Variants in MOSPD1 observed in about 807,000 individuals in gnomAD.
MOSPD1 encodes motile sperm domain containing 1, also known as motile sperm domain-containing protein 1.
In MOSPD1, 5 loss-of-function variants were observed where a neutral mutation model predicts 16.7. The observed-to-expected ratio is 0.30, with a 90% confidence interval of 0.16 to 0.63. MOSPD1 has a LOEUF of 0.63. Ranked by LOEUF, MOSPD1 falls within the 30% of genes least tolerant of loss-of-function variation. The pLI is 0.82. For missense variants in MOSPD1, 104 were observed against 153.6 expected (o/e 0.68, Z 1.71); for synonymous variants, 67 against 59.2 (o/e 1.13, Z -0.61).
intron 1 of MOSPD1, among the ~76,000 whole-genome samples, chrX:134,912,633 G>T (rs2082977803): frequency 9.7e-6 from 1 of 102,861 alleles, no homozygotes; most frequent in Non-Finnish European, 2.0e-5. Flanking sequence ...AAGCCACTAT[G>T]TTCAGCTAAT....
chrX:134,908,841 G>GA (rs1355527922), intron 1 of MOSPD1, among the ~76,000 whole-genome samples: 2 of 112,098 alleles, frequency 1.8e-5, no homozygotes, highest in Non-Finnish European at 3.8e-5. Flanking sequence ...CCAGAGGAAT[G>GA]AAAAGATAAG....
intron 1 of MOSPD1, among the ~76,000 whole-genome samples, chrX:134,902,411 A>G (rs1378491683): frequency 9.1e-6 from 1 of 109,456 alleles, no homozygotes; most frequent in African/African-American, 3.3e-5. Context: ...AAATAAATAA[A>G]TAAATAAATA....
At chrX:134,895,462 C>A (rs1461454456) in intron 4 of MOSPD1, among the ~76,000 whole-genome samples, 1 of 111,455 alleles carries the variant, frequency 9.0e-6, no homozygotes, top group African/African-American at 3.3e-5. Flanking sequence ...CACATATACC[C>A]CTAAATCTTA....
At chrX:134,906,174 C>CTTTTTTTTTTTTTTTTT (rs765109385) in intron 1 of MOSPD1, among the ~76,000 whole-genome samples, 1 of 56,658 alleles carries the variant, frequency 1.8e-5, no homozygotes, top group Non-Finnish European at 3.0e-5. Flanking sequence ...CCATTTATCA[C>CTTTTTTTTTTTTTTTTT]TTTTTTTTTT....
chrX:134,912,954 T>G (rs1196883997), intron 1 of MOSPD1, among the ~76,000 whole-genome samples: 1 of 89,650 alleles, frequency 1.1e-5, no homozygotes, highest in Non-Finnish European at 2.2e-5. Context: ...AAAAAAAAAT[T>G]TTGGCCAGGC....
intron 1 of MOSPD1, among the ~76,000 whole-genome samples, chrX:134,902,489 C>A (rs2082917016): frequency 9.0e-6 from 1 of 110,743 alleles, no homozygotes; most frequent in Non-Finnish European, 1.9e-5. Flanking sequence ...CACTGTCTGT[C>A]CACTTCAATA....
At chrX:134,891,977 G>A (rs1373084647) in intron 4 of MOSPD1, among the ~76,000 whole-genome samples, 1 of 112,093 alleles carries the variant, frequency 8.9e-6, no homozygotes, top group Admixed American at 9.5e-5. Flanking sequence ...AAAATTATAT[G>A]CACAAGTTCT....
intron 1 of MOSPD1, among the ~76,000 whole-genome samples, chrX:134,906,108 G>A (rs1448616421): frequency 4.7e-5 from 5 of 107,507 alleles, no homozygotes; most frequent in Admixed American, 1.0e-4. Flanking sequence ...TACTATAAAA[G>A]AAGTGTTTAA....
intron 1 of MOSPD1, among the ~76,000 whole-genome samples, chrX:134,913,673 C>T (rs974695417): frequency 8.9e-6 from 1 of 111,823 alleles, no homozygotes; most frequent in Non-Finnish European, 1.9e-5. Context: ...AAAGGAGTAA[C>T]TTTATACTGA....
rs374405244 is a variant in MOSPD1, at chrX:134,889,148, T to C, written c.*13A>G. 105 of 1,188,872 alleles carry C rather than the reference T, an allele frequency of 8.8e-5. No homozygotes were observed. The highest frequency in any genetic ancestry group is 8.4e-4 in the African/African-American group (48 of 56,904). Reference sequence around the variant, plus strand: ...AAGACAGATTTACTTCAGAAGTCAATTGAAATCCTTGCTCATGTTCTAAGT... The same window carrying C: ...AAGACAGATTTACTTCAGAAGTCAACTGAAATCCTTGCTCATGTTCTAAGT... On this transcript the variant is annotated 3_prime_UTR_variant, in exon 6 of 6. Coordinates refer to ENST00000370783, the MANE Select transcript of MOSPD1 (RefSeq NM_019556.3).
chrX:134,913,359 G>A (rs1429543848), intron 1 of MOSPD1, among the ~76,000 whole-genome samples: 1 of 111,604 alleles, frequency 9.0e-6, no homozygotes, highest in East Asian at 2.8e-4. Flanking sequence ...GGGTGACAGA[G>A]CAAGACCCTG....
Position 134,896,895 on chromosome X carries a change from G to T in MOSPD1, c.370C>A (p.Gln124Lys), listed in dbSNP as rs2082887318. 1.7e-6 allele frequency: 2 copies of T among 1,209,808 alleles called. No individual in the cohort carries two copies. The highest frequency in any genetic ancestry group is 2.2e-6 in the Non-Finnish European group (2 of 894,153). The change falls in exon 4 of 6, where the codon CAA becomes AAA. Residue 124 changes from glutamine to lysine, a missense_variant. Gln to Lys is a moderately conservative substitution (Grantham distance 53, BLOSUM62 1). Transcript: ENST00000370783. ...CTTTTTTCCTCTTCTTCCTTTTGTT[G>T]TTCTTTTGCTGATGGGAGAAGAGTA... Reference protein sequence around the residue: ...VATLLPSAKEQQKEEEEKRLK... With the variant: ...VATLLPSAKEKQKEEEEKRLK...
Position 134,896,914 on chromosome X carries a change from A to C in MOSPD1, c.351T>G (p.Leu117=). 8.3e-7 allele frequency: 1 copy of C among 1,208,577 alleles called. No homozygotes were observed. ...ALGRKEVVAT[L]LPSAKEQQKE... ...TTTGTTGTTCTTTTGCTGATGGGAG[A>C]AGAGTAGCAACAACCTCTTTTCTTC... The change falls in exon 4 of 6, where the codon CTT becomes CTG. Residue 117 remains leucine, a synonymous_variant. Coordinates refer to ENST00000370783, the MANE Select transcript of MOSPD1 (RefSeq NM_019556.3).
At chrX:134,912,942 A>AC (rs2082980133) in intron 1 of MOSPD1, among the ~76,000 whole-genome samples, 1 of 108,120 alleles carries the variant, frequency 9.2e-6, no homozygotes, top group African/African-American at 3.4e-5. Flanking sequence ...GTCTCAAAAA[A>AC]AAAAAAAAAA....
intron 1 of MOSPD1, among the ~76,000 whole-genome samples, chrX:134,913,321 C>G (rs987708198): frequency 1.8e-5 from 2 of 111,023 alleles, no homozygotes; most frequent in South Asian, 3.8e-4. Context: ...TTGCAGTGAG[C>G]TGAGACTGCA....
chrX:134,903,273 A>G (rs2082921668), intron 1 of MOSPD1, among the ~76,000 whole-genome samples: 1 of 111,992 alleles, frequency 8.9e-6, no homozygotes, highest in Non-Finnish European at 1.9e-5. Flanking sequence ...AAACAGATAA[A>G]AGTTTTTTTT....
chrX:134,888,457 T>C lies in MOSPD1; in HGVS notation c.*704A>G, dbSNP rs995495888. 3 of 111,242 alleles carry C rather than the reference T, an allele frequency of 2.7e-5. No individual in the cohort carries two copies. In the Admixed American group the frequency reaches 2.9e-4, roughly 11 times the overall value. 9.2% of individuals were successfully genotyped at this position (111,242 alleles called of 1,213,427 possible). A position where few individuals can be genotyped will look rare whatever the true frequency, so the allele number is the denominator to read the frequency against. On this transcript the variant is annotated 3_prime_UTR_variant, in exon 6 of 6. Coordinates refer to ENST00000370783, the MANE Select transcript of MOSPD1 (RefSeq NM_019556.3). ...AGGGTGAACCAACTAATTAAACAGATGCCTACCTTCCTTTAGAACTCTTAG... is the reference window on the plus strand; with the variant it reads ...AGGGTGAACCAACTAATTAAACAGACGCCTACCTTCCTTTAGAACTCTTAG...
chrX:134,893,018 CT>C (rs1348266230), intron 4 of MOSPD1, among the ~76,000 whole-genome samples: 1 of 111,895 alleles, frequency 8.9e-6, no homozygotes, highest in Non-Finnish European at 1.9e-5. Flanking sequence ...TGTCATATGG[CT>C]TTTCCCACTA....
At chrX:134,898,481 G>T (rs770698852) in intron 3 of MOSPD1, among the ~76,000 whole-genome samples, 14 of 111,780 alleles carry the variant, frequency 1.3e-4, no homozygotes, top group Non-Finnish European at 2.6e-4. Context: ...TAAATTAAGG[G>T]CTGGTCAATG....
Sources: gnomAD v4.1 joint callset for allele counts (sites outside exome capture counted in the v4.1 genomes callset) on GRCh38, gnomAD v4.1.1 for gene constraint, MANE v1.5 for transcripts, NCBI Gene and HGNC (gene_info 2026-07-23, HGNC 2026-07-21) for gene names.